Variants in SVOPL observed in about 807,000 individuals in gnomAD.
SVOPL encodes SVOP like, also known as putative transporter SVOPL.
SVOPL carries 60 observed loss-of-function variants against 61.0 expected under a neutral mutation model. The ratio of observed to expected loss-of-function variants is 0.98; its 90% CI spans 0.80 to 1.22. The LOEUF (loss-of-function observed/expected upper bound fraction) is 1.22. SVOPL is among the 50% of genes most tolerant of loss of function. The pLI, the probability that SVOPL is intolerant of heterozygous loss-of-function variation, is 0.00. For missense variants in SVOPL, 662 were observed against 643.9 expected, an observed-to-expected ratio of 1.03 and a Z score of -0.30; for synonymous variants, 279 against 250.0, an observed-to-expected ratio of 1.12 and a Z score of -1.09.
chr7:138,648,978 A>C, intron 8 of SVOPL, 34 bp downstream of exon 8: 1 of 1,612,464 alleles, frequency 6.2e-7, no homozygotes, highest in Non-Finnish European at 8.5e-7. Context: ...CAGCAGGAGG[A>C]GGGGACAGGA....
intron 9 of SVOPL, among the ~76,000 whole-genome samples, chr7:138,642,027 G>A (rs528563286): frequency 7.3e-5 from 11 of 150,412 alleles, no homozygotes; most frequent in South Asian, 2.1e-4. Context: ...CTATATAGAG[G>A]ACAAATAGAA....
chr7:138,653,675 C>A (rs916110421), intron 7 of SVOPL, among the ~76,000 whole-genome samples: 1 of 152,114 alleles, frequency 6.6e-6, no homozygotes, highest in African/African-American at 2.4e-5. Flanking sequence ...GGCGGCTCAG[C>A]CTGTAATCCC....
chr7:138,598,618 G>T (rs984418012), intron 14 of SVOPL, among the ~76,000 whole-genome samples: 1 of 152,126 alleles, frequency 6.6e-6, no homozygotes, highest in African/African-American at 2.4e-5. Flanking sequence ...CATAGAGTGT[G>T]TTCTAGTCCT....
intron 14 of SVOPL, among the ~76,000 whole-genome samples, chr7:138,609,718 T>G (rs1187285288): frequency 6.4e-5 from 8 of 125,778 alleles, no homozygotes; most frequent in African/African-American, 1.4e-4. Context: ...TGTTTTTTTT[T>G]TGGGGGGGGT....
chr7:138,689,347 C>T (rs1017926939), intron 1 of SVOPL: 1 of 1,590,874 alleles, frequency 6.3e-7, no homozygotes, highest in African/African-American at 1.3e-5. Flanking sequence ...AACAAAGCAC[C>T]TAAGATGCGC....
chr7:138,696,359 T>C (rs1418819916), intron 1 of SVOPL, among the ~76,000 whole-genome samples: 6 of 152,072 alleles, frequency 3.9e-5, no homozygotes, highest in Non-Finnish European at 8.8e-5. Context: ...GTCTCCCAAA[T>C]AGCTGGAACC....
In SVOPL at chr7:138,626,228, T is replaced by C. The variant is rs115893782; in HGVS notation, c.1182-178A>G. The C allele has an allele frequency of 2.8e-5, 17 of 604,878 alleles. No homozygotes were observed. In the African/African-American group the frequency reaches 3.1e-4, roughly 11 times the overall value. 37.5% of individuals were successfully genotyped at this position (604,878 alleles called of 1,614,324 possible). On this transcript the variant is annotated intron_variant, in intron 12 of 15. Coordinates refer to ENST00000674285, the MANE Select transcript of SVOPL (RefSeq NM_001139456.2). ...GGTCCTTAAGCAAACCTCCTTCCAATCTTACTCCCACTGCCTTCTCCATTC... is the reference window on the plus strand; with the variant it reads ...GGTCCTTAAGCAAACCTCCTTCCAACCTTACTCCCACTGCCTTCTCCATTC...
chr7:138,619,471 T>C (rs1332108724), intron 14 of SVOPL, among the ~76,000 whole-genome samples: 1 of 147,702 alleles, frequency 6.8e-6, no homozygotes, highest in Non-Finnish European at 1.5e-5. Context: ...GAAATAAGTA[T>C]TAAGGAATTT....
Position 138,629,677 on chromosome 7 carries a change from A to C in SVOPL, c.863+372T>G, listed in dbSNP as rs115708383. On this transcript the variant is annotated intron_variant, in intron 10 of 15. Transcript: ENST00000674285. ...CTTACTCAAGGTCATGCTGCAGAGA[A>C]ATGAATCACAGAGGGTACCACAAGA... Among the ~76,000 whole-genome samples the C allele has an allele frequency of 3.1e-3, 479 of 152,312 alleles. 2 individuals carry two copies. The highest frequency in any genetic ancestry group is 0.011 in the African/African-American group (462 of 41,568).
intron 14 of SVOPL, among the ~76,000 whole-genome samples, chr7:138,605,152 G>A (rs868148620): frequency 1.1e-4 from 16 of 143,282 alleles, no homozygotes; most frequent in Admixed American, 2.8e-4. Flanking sequence ...TAATAAATTT[G>A]AATGAAGCAT....
chr7:138,660,331 G>T (rs1393735367), intron 5 of SVOPL: 3 of 1,022,262 alleles, frequency 2.9e-6, no homozygotes, highest in African/African-American at 3.4e-5. Flanking sequence ...ATGTTGGGAG[G>T]AGTACAAGGA....
chr7:138,647,878 C>G (rs1361417927), intron 8 of SVOPL, among the ~76,000 whole-genome samples: 1 of 151,456 alleles, frequency 6.6e-6, no homozygotes, highest in East Asian at 1.9e-4. Flanking sequence ...TAGTCACATG[C>G]CTGAAGCTAG....
intron 9 of SVOPL, among the ~76,000 whole-genome samples, chr7:138,630,407 G>T (rs1459320465): frequency 1.3e-5 from 2 of 152,118 alleles, no homozygotes; most frequent in African/African-American, 4.8e-5. Flanking sequence ...CACCAGCACT[G>T]GCGCGGGGGT....
In SVOPL at chr7:138,678,565, G is replaced by A. The variant is rs1316088279; in HGVS notation, c.83-40C>T. The A allele has an allele frequency of 2.6e-6, 4 of 1,544,336 alleles. No individual in the cohort carries two copies. The East Asian group carries it at 9.8e-5, about 38-fold the overall frequency. On this transcript the variant is annotated intron_variant, in intron 2 of 15. Transcript: ENST00000674285. ...CAAAGTGGAAAAAATTGCTTCTGCA[G>A]GGAAGGGAATGCGTGTGGACTATCA...
chr7:138,660,479 T>C, intron 5 of SVOPL: 1 of 986,400 alleles, frequency 1.0e-6, no homozygotes, highest in Non-Finnish European at 1.2e-6. Context: ...AACACTGTTT[T>C]ATCTTCTCTG....
chr7:138,673,360 T>A (rs1195237764), intron 3 of SVOPL, among the ~76,000 whole-genome samples: 1 of 152,102 alleles, frequency 6.6e-6, no homozygotes, highest in African/African-American at 2.4e-5. Context: ...TAAGAGAGCA[T>A]AATTATCTCA....
In SVOPL at chr7:138,617,734, G is replaced by A. The variant is rs549274017; in HGVS notation, c.1353+3312C>T. Among the ~76,000 whole-genome samples, 5 of 152,260 alleles carry A rather than the reference G, an allele frequency of 3.3e-5. No homozygotes were observed. In the East Asian group the frequency reaches 5.8e-4, roughly 18 times the overall value. Reference sequence around the variant, plus strand: ...GCCTGTAGTCCCAGCTACTTGTGGGGCTGAGGTGGGAGGATTACTTGAGCC... The same window carrying A: ...GCCTGTAGTCCCAGCTACTTGTGGGACTGAGGTGGGAGGATTACTTGAGCC... On this transcript the variant is annotated intron_variant, in intron 14 of 15. Transcript: ENST00000674285.
chr7:138,643,760 G>A (rs1012230847), intron 9 of SVOPL, among the ~76,000 whole-genome samples: 1 of 151,786 alleles, frequency 6.6e-6, no homozygotes, highest in Non-Finnish European at 1.5e-5. Flanking sequence ...GGGGGAGGGG[G>A]AACAAAGTTT....
chr7:138,596,692 G>A (rs1798296097), intron 14 of SVOPL, 162 bp from the exon 15 acceptor site: 1 of 1,354,280 alleles, frequency 7.4e-7, no homozygotes, highest in East Asian at 2.9e-5. Flanking sequence ...GAGCCAATCT[G>A]GTGTAGTCAT....
Sources: gnomAD v4.1 joint callset for allele counts (sites outside exome capture counted in the v4.1 genomes callset) on GRCh38, gnomAD v4.1.1 for gene constraint, MANE v1.5 for transcripts, NCBI Gene and HGNC (gene_info 2026-07-23, HGNC 2026-07-21) for gene names.